The following SLC24A2 variants were observed in gnomAD, a reference collection of about 807,000 sequenced individuals.
SLC24A2 encodes the protein sodium/potassium/calcium exchanger 2.
Under a neutral mutation model 62.0 loss-of-function variants are expected in SLC24A2, and 36 were observed. That is an observed-to-expected ratio of 0.58 (90% CI 0.44 to 0.77). SLC24A2 has a LOEUF of 0.77. Ranked by LOEUF, SLC24A2 falls within the 30% of genes least tolerant of loss-of-function variation. The pLI is 0.00. For missense variants in SLC24A2, 846 were observed against 817.9 expected (o/e 1.03, Z -0.42); for synonymous variants, 358 against 294.0 (o/e 1.22, Z -2.23).
chr9:20,201,295 C>T, the SLC24A2 span, among the ~76,000 whole-genome samples: 4 of 152,324 alleles, frequency 2.6e-5, no homozygotes, highest in African/African-American at 9.6e-5. Flanking sequence ...GAAAGGGAGG[C>T]TTCAACCAGC....
chr9:19,639,490 C>A lies in SLC24A2; in HGVS notation c.931-17191G>T, dbSNP rs568724576. The stretch of plus-strand genomic sequence containing the variant: ...CTGCCATTTGAACAAGCCTGGGGTG[C>A]CCGGCCAGCTGCCCCCCACCATGCC... On this transcript the variant is annotated intron_variant, in intron 2 of 10. Coordinates refer to ENST00000341998, the MANE Select transcript of SLC24A2 (RefSeq NM_020344.4). Among the ~76,000 whole-genome samples, 42 of 152,212 alleles carry A rather than the reference C, an allele frequency of 2.8e-4. 1 individual carries two copies. The highest frequency in any genetic ancestry group is 3.2e-3 in the Middle Eastern group (1 of 316).
intron 7 of SLC24A2, among the ~76,000 whole-genome samples, chr9:19,551,114 C>A (rs543116692): frequency 2.6e-5 from 4 of 152,224 alleles, no homozygotes; most frequent in South Asian, 4.1e-4. Flanking sequence ...ACCGACCTCT[C>A]TTCATTTCTC....
intron 4 of SLC24A2, among the ~76,000 whole-genome samples, chr9:19,602,049 C>G (rs2132913010): frequency 1.3e-5 from 2 of 152,272 alleles, no homozygotes; most frequent in East Asian, 3.9e-4. Flanking sequence ...CATTATAATG[C>G]AGAACAAGGA....
intron 2 of SLC24A2, among the ~76,000 whole-genome samples, chr9:19,647,557 G>A (rs1818679672): frequency 6.6e-6 from 1 of 152,176 alleles, no homozygotes; most frequent in Non-Finnish European, 1.5e-5. Flanking sequence ...ATGCCATGGA[G>A]GGGATGCAGA....
At chr9:20,035,646 C>T in the SLC24A2 span, among the ~76,000 whole-genome samples, 3 of 152,030 alleles carry the variant, frequency 2.0e-5, no homozygotes, top group South Asian at 2.1e-4. Context: ...CCCAGCTATT[C>T]GGGAGGCTGA....
the SLC24A2 span, among the ~76,000 whole-genome samples, chr9:20,127,691 A>G: frequency 6.6e-6 from 1 of 152,168 alleles, no homozygotes; most frequent in Non-Finnish European, 1.5e-5. Context: ...GATCAAGGAC[A>G]CTTATGAGAA....
chr9:19,760,533 A>G (rs13292503), intron 2 of SLC24A2, among the ~76,000 whole-genome samples: 111,255 of 151,418 alleles, frequency 0.73, 41,298 homozygotes, highest in East Asian at 0.81. Context: ...TGACCCCCCC[A>G]ACAGGCTCCT....
the SLC24A2 span, among the ~76,000 whole-genome samples, chr9:19,903,511 G>T: frequency 6.6e-6 from 1 of 152,198 alleles, no homozygotes; most frequent in African/African-American, 2.4e-5. Context: ...GCAGTCCATA[G>T]TAGGGAGGCA....
Position 19,516,201 on chromosome 9 carries a change from C to A in SLC24A2, c.1938G>T (p.Val646=). 1 of 1,614,150 alleles carries A rather than the reference C, an allele frequency of 6.2e-7. No homozygotes were observed. Among genetic ancestry groups the A allele is most frequent in the Non-Finnish European group, 8.5e-7 (1 of 1,180,030 alleles). The change falls in exon 11 of 11, where the codon GTG becomes GTT. Residue 646 remains valine, a synonymous_variant. Coordinates refer to ENST00000341998, the MANE Select transcript of SLC24A2 (RefSeq NM_020344.4). ...GAATTCTGTCTTCTAGGAGAACGCTCACCACCAGGAACACAAAGTAGAGGC... is the reference window on the plus strand; with the variant it reads ...GAATTCTGTCTTCTAGGAGAACGCTAACCACCAGGAACACAAAGTAGAGGC... ...MFGLYFVFLV[V]SVLLEDRILT...
the SLC24A2 span, among the ~76,000 whole-genome samples, chr9:20,066,611 T>C: frequency 6.6e-6 from 1 of 152,240 alleles, no homozygotes; most frequent in Non-Finnish European, 1.5e-5. Context: ...ATATTTATCT[T>C]TCTTTGCACA....
At chr9:19,611,644 T>C (rs1837175581) in intron 4 of SLC24A2, among the ~76,000 whole-genome samples, 1 of 152,050 alleles carries the variant, frequency 6.6e-6, no homozygotes, top group South Asian at 2.1e-4. Flanking sequence ...GTTTGGGGCA[T>C]GCCTTTTCTG....
At chr9:19,619,757 A>G (rs1182988151) in intron 3 of SLC24A2, 65 bp from the exon 4 acceptor site, 2 of 1,190,210 alleles carry the variant, frequency 1.7e-6, no homozygotes, top group South Asian at 1.2e-5. Flanking sequence ...TATAGACAAG[A>G]TCCTCACCTA....
the SLC24A2 span, among the ~76,000 whole-genome samples, chr9:20,202,136 C>T: frequency 4.6e-5 from 7 of 151,358 alleles, no homozygotes; most frequent in Admixed American, 2.6e-4. Context: ...CTCAGATGCC[C>T]GCAAATTGCT....
chr9:19,764,206 C>G (rs949781614), intron 2 of SLC24A2, among the ~76,000 whole-genome samples: 12 of 152,070 alleles, frequency 7.9e-5, no homozygotes, highest in African/African-American at 2.9e-4. Context: ...TCTCTCTTTT[C>G]TTCTTTATTA....
intron 7 of SLC24A2, among the ~76,000 whole-genome samples, chr9:19,551,650 C>T (rs1424329138): frequency 6.6e-6 from 1 of 152,116 alleles, no homozygotes; most frequent in Admixed American, 6.5e-5. Context: ...CTTCCAGCAC[C>T]ATACACTTTT....
At chr9:19,975,761 G>A in the SLC24A2 span, among the ~76,000 whole-genome samples, 1 of 150,268 alleles carries the variant, frequency 6.7e-6, no homozygotes, top group Admixed American at 6.6e-5. Context: ...TTCTGCTTTT[G>A]TTTTGTTTTG....
intron 2 of SLC24A2, among the ~76,000 whole-genome samples, chr9:19,689,358 A>G (rs189452068): frequency 9.9e-4 from 151 of 152,256 alleles, no homozygotes; most frequent in Non-Finnish European, 1.7e-3. Context: ...TAGTTAACTC[A>G]ATTTAGTCTC....
chr9:19,759,410 T>A (rs1174187545), intron 2 of SLC24A2, among the ~76,000 whole-genome samples: 1 of 152,192 alleles, frequency 6.6e-6, no homozygotes, highest in African/African-American at 2.4e-5. Context: ...TCTGCACAGA[T>A]TCTGCCAGCT....
At chr9:20,083,054 C>G in the SLC24A2 span, among the ~76,000 whole-genome samples, 1 of 152,184 alleles carries the variant, frequency 6.6e-6, no homozygotes, top group Non-Finnish European at 1.5e-5. Flanking sequence ...GTGCCGGGGT[C>G]ATTAAGCATA....
Sources: allele counts gnomAD v4.1 joint callset (sites outside exome capture counted in the v4.1 genomes callset), GRCh38; gene constraint gnomAD v4.1.1; transcripts MANE v1.5; gene names NCBI Gene and HGNC (gene_info 2026-07-23, HGNC 2026-07-21).